The following ETV6 variants were observed in gnomAD, a reference collection of about 807,000 sequenced individuals.
The protein encoded by ETV6 is transcription factor ETV6.
In ETV6, 16 loss-of-function variants were observed where a neutral mutation model predicts 51.1. The ratio of observed to expected loss-of-function variants is 0.31; its 90% CI spans 0.21 to 0.48. ETV6 has a LOEUF of 0.48. Ranked by LOEUF, ETV6 falls within the 20% of genes least tolerant of loss-of-function variation. The probability of loss-of-function intolerance (pLI) is 0.99; values close to 1 mark genes in which losing one functional copy is unlikely to be tolerated. For missense variants in ETV6, 458 were observed against 594.8 expected (o/e 0.77, Z 2.39); for synonymous variants, 240 against 224.1 (o/e 1.07, Z -0.64).
intron 1 of ETV6, among the ~76,000 whole-genome samples, chr12:11,658,006 A>C (rs1229063850): frequency 1.3e-5 from 2 of 152,198 alleles, no homozygotes; most frequent in Non-Finnish European, 1.5e-5. Context: ...AACTTGTTCA[A>C]GCTACTTAAT....
At chr12:11,816,714 T>C (rs1457057214) in intron 2 of ETV6, among the ~76,000 whole-genome samples, 5 of 152,214 alleles carry the variant, frequency 3.3e-5, no homozygotes, top group African/African-American at 1.2e-4. Context: ...GTCAGCCATC[T>C]TTCTCCAGCT....
At chr12:11,875,556 G>C (rs1473177398) in intron 5 of ETV6, among the ~76,000 whole-genome samples, 1 of 152,214 alleles carries the variant, frequency 6.6e-6, no homozygotes, top group African/African-American at 2.4e-5. Flanking sequence ...AGGTGGCTGA[G>C]GTGTGACTGT....
chr12:11,754,181 C>A (rs1017872220), intron 2 of ETV6, among the ~76,000 whole-genome samples: 1 of 152,226 alleles, frequency 6.6e-6, no homozygotes, highest in African/African-American at 2.4e-5. Context: ...CTAATTCATT[C>A]ATTTATTCAT....
At chr12:11,743,387 A>G (rs1865846285) in intron 1 of ETV6, among the ~76,000 whole-genome samples, 1 of 152,110 alleles carries the variant, frequency 6.6e-6, no homozygotes. Flanking sequence ...GAATTATGTG[A>G]TATATGTAGA....
intron 1 of ETV6, among the ~76,000 whole-genome samples, chr12:11,652,640 C>T (rs748264237): frequency 8.5e-5 from 13 of 152,186 alleles, no homozygotes; most frequent in Non-Finnish European, 1.6e-4. Flanking sequence ...TGCTTTCATT[C>T]CTTACAAGTA....
At position 11,783,109 on chromosome 12, in the gene ETV6, G is replaced by A. The variant is rs923253087; in HGVS notation, c.163+30530G>A. On this transcript the variant is annotated intron_variant, in intron 2 of 7. Transcript: ENST00000396373. ...ATTCAAGTGATTAAGCAGATTGATT[G>A]GGCAAGGTGAGTGGCAGATCAGATG... 5.3e-5 allele frequency among the ~76,000 whole-genome samples: 8 copies of A among 152,084 alleles called. No homozygotes were observed. The East Asian group carries it at 1.5e-3, about 29-fold the overall frequency.
intron 1 of ETV6, among the ~76,000 whole-genome samples, chr12:11,705,984 T>C (rs2120859396): frequency 6.6e-6 from 1 of 151,150 alleles, no homozygotes; most frequent in South Asian, 2.1e-4. Flanking sequence ...GAGCTCCATT[T>C]TGGGGGGGTC....
At chr12:11,703,242 G>A (rs1170851148) in intron 1 of ETV6, among the ~76,000 whole-genome samples, 1 of 151,574 alleles carries the variant, frequency 6.6e-6, no homozygotes, top group African/African-American at 2.4e-5. Flanking sequence ...TGAGGCAAAG[G>A]TGCTGAAATA....
At chr12:11,751,300 T>C (rs1866021625) in intron 1 of ETV6, 1 of 517,972 alleles carries the variant, frequency 1.9e-6, no homozygotes, top group Non-Finnish European at 3.9e-6. Context: ...ACGTAAACAC[T>C]GCCTTCCCTT....
chr12:11,880,348 T>G (rs1947071140), intron 5 of ETV6, among the ~76,000 whole-genome samples: 1 of 152,210 alleles, frequency 6.6e-6, no homozygotes, highest in Non-Finnish European at 1.5e-5. Context: ...AAAGGAAAAG[T>G]TTGCCGGATA....
intron 1 of ETV6, among the ~76,000 whole-genome samples, chr12:11,690,906 A>ATAAATAAG (rs1456323562): frequency 0.022 from 3,377 of 150,962 alleles, 148 homozygotes; most frequent in African/African-American, 0.078. Context: ...AAATAAATAA[A>ATAAATAAG]TAAAATTATA....
At chr12:11,819,632 A>G (rs1023681935) in intron 2 of ETV6, among the ~76,000 whole-genome samples, 2 of 152,094 alleles carry the variant, frequency 1.3e-5, no homozygotes, top group African/African-American at 2.4e-5. Context: ...GGGCCCCTCT[A>G]TTCATCTAGT....
intron 5 of ETV6, among the ~76,000 whole-genome samples, chr12:11,872,894 A>G (rs759760916): frequency 1.2e-4 from 18 of 152,178 alleles, no homozygotes; most frequent in African/African-American, 4.3e-4. Context: ...GCACCCACCA[A>G]ATGATGAGCC....
chr12:11,725,600 C>T (rs1402862456), intron 1 of ETV6, among the ~76,000 whole-genome samples: 1 of 152,108 alleles, frequency 6.6e-6, no homozygotes, highest in Non-Finnish European at 1.5e-5. Context: ...GTTTCTCTCC[C>T]CAAACCTCAT....
At chr12:11,725,829 G>A (rs777153779) in intron 1 of ETV6, among the ~76,000 whole-genome samples, 6 of 152,118 alleles carry the variant, frequency 3.9e-5, no homozygotes, top group Admixed American at 6.5e-5. Context: ...TGCACACGCC[G>A]GCTCGCCTCA....
chr12:11,663,229 G>A (rs144161550), intron 1 of ETV6, among the ~76,000 whole-genome samples: 3,701 of 152,126 alleles, frequency 0.024, 264 homozygotes, highest in Admixed American at 0.14. Flanking sequence ...ATTAGGGAAC[G>A]GTTCCTAGGT....
At chr12:11,884,830 C>T (rs758063412) in intron 6 of ETV6, among the ~76,000 whole-genome samples, 1 of 152,184 alleles carries the variant, frequency 6.6e-6, no homozygotes, top group African/African-American at 2.4e-5. Flanking sequence ...TGGGCTGCAT[C>T]ATGAGTGACT....
intron 1 of ETV6, among the ~76,000 whole-genome samples, chr12:11,711,440 C>A (rs1257456060): frequency 6.6e-6 from 1 of 152,174 alleles, no homozygotes; most frequent in Non-Finnish European, 1.5e-5. Flanking sequence ...GAAGTGATCC[C>A]ATTTAAGTGT....
intron 1 of ETV6, among the ~76,000 whole-genome samples, chr12:11,663,889 C>T (rs759901304): frequency 2.6e-5 from 4 of 152,140 alleles, no homozygotes; most frequent in Non-Finnish European, 5.9e-5. Context: ...TTTCTTTAAG[C>T]TGGCTTAAGT....
Sources: gnomAD v4.1 joint callset for allele counts (sites outside exome capture counted in the v4.1 genomes callset) on GRCh38, gnomAD v4.1.1 for gene constraint, MANE v1.5 for transcripts, NCBI Gene and HGNC (gene_info 2026-07-23, HGNC 2026-07-21) for gene names.